The following ANKLE2 variants were observed in gnomAD, a reference collection of about 807,000 sequenced individuals.
ANKLE2 encodes the protein ankyrin repeat and LEM domain-containing protein 2.
A neutral mutation model predicts 84.2 loss-of-function variants in ANKLE2; 55 were observed. The observed-to-expected ratio is 0.65, with a 90% CI of 0.53 to 0.82. The LOEUF is 0.82. ANKLE2 is among the 40% of genes least tolerant of loss of function. The pLI, the probability that ANKLE2 is intolerant of heterozygous loss-of-function variation, is 0.00. For missense variants in ANKLE2, 1,238 were observed against 1,201.9 expected, an observed-to-expected ratio of 1.03 and a Z score of -0.44; for synonymous variants, 551 against 486.1, an observed-to-expected ratio of 1.13 and a Z score of -1.76.
At chr12:132,759,574 T>C (rs2044576158) in intron 1 of ANKLE2, 1 of 152,206 alleles carries the variant, frequency 6.6e-6, no homozygotes, top group East Asian at 1.9e-4. Context: ...GATATACGTA[T>C]ATTATACATC....
At chr12:132,758,657 G>C (rs11147050) in intron 1 of ANKLE2, 45,112 of 151,868 alleles carry the variant, frequency 0.3, 7,754 homozygotes, top group Non-Finnish European at 0.39. Context: ...CCGAGTAGCT[G>C]GGATTACAGG....
At chr12:132,740,688 G>A (rs935049388) in intron 7 of ANKLE2, among the ~76,000 whole-genome samples, 2 of 152,116 alleles carry the variant, frequency 1.3e-5, no homozygotes, top group African/African-American at 4.8e-5. Flanking sequence ...ACTGAAAACA[G>A]AGGAAGATGG....
rs983016578 is a variant in ANKLE2, at chr12:132,730,066, T to C, written c.2096A>G (p.Asn699Ser). 7 of 1,612,666 alleles carry C rather than the reference T, an allele frequency of 4.3e-6. No individual in the cohort carries two copies. Among genetic ancestry groups the C allele is most frequent in the African/African-American group, 2.7e-5 (2 of 74,890 alleles). Residue 699 changes from asparagine to serine, a missense_variant, in exon 11 of 13, where the codon AAT (asparagine) becomes AGT (serine). By Grantham distance (46) the Asn-to-Ser change is conservative. Coordinates refer to ENST00000357997, the MANE Select transcript of ANKLE2 (RefSeq NM_015114.3). ...AEPGGPHSSR[N>S]GLCHPLNHSR... ...GTGATTCAGAGGATGGCAGAGCCCA[T>C]TTCTGCTGCTGTGTGGACCTCCCGG...
At chr12:132,756,515 G>C (rs2044487663) in intron 1 of ANKLE2, 1 of 152,082 alleles carries the variant, frequency 6.6e-6, no homozygotes. Flanking sequence ...CTGGGTGACA[G>C]AATCAGACCC....
Position 132,743,661 on chromosome 12 carries a change from A to T in ANKLE2, c.1231-385T>A, listed in dbSNP as rs541408587. Among the ~76,000 whole-genome samples, 1,893 of 36,060 alleles carry T rather than the reference A, an allele frequency of 0.052. 31 individuals are homozygous for T. Among genetic ancestry groups the T allele is most frequent in the African/African-American group, 0.1 (1,192 of 11,478 alleles). 23.7% of individuals were successfully genotyped at this position (36,060 alleles called of 152,430 possible). On this transcript the variant is annotated intron_variant, in intron 5 of 12. Transcript: ENST00000357997. This position sits in a 1 kb window ranked among gnomAD's most constrained non-coding sequence, Gnocchi z 4.1. ...ACCGAGCCTGGCTTATACTTTTTTA[A>T]AAAAAAAAAGACTCACAAACAAAAA...
Position 132,730,002 on chromosome 12 carries a change from AC to A in ANKLE2, c.2159del (p.Arg720LeufsTer13), listed in dbSNP as rs761791514. The A allele has an allele frequency of 1.2e-6, 2 of 1,613,326 alleles. No individual in the cohort carries two copies. The highest frequency in any genetic ancestry group is 2.2e-5 in the East Asian group (1 of 44,852). ...TLAGKRPKAP[R>X]GEEAHLPPVS... ...CAGGTGGCAGATGGGCTTCCTCCCC[AC>A]GGGGGGCCTTTGGTCTCTTGCCCGC... is the stretch of plus-strand genomic sequence containing the variant. On this transcript the variant is annotated frameshift_variant, in exon 11 of 13. Coordinates refer to ENST00000357997, the MANE Select transcript of ANKLE2 (RefSeq NM_015114.3). LOFTEE classifies it high-confidence loss of function.
At chr12:132,749,793 G>C (rs986408748) in intron 3 of ANKLE2, among the ~76,000 whole-genome samples, 1 of 152,222 alleles carries the variant, frequency 6.6e-6, no homozygotes, top group Admixed American at 6.5e-5. Context: ...CTTCGGGCTG[G>C]ACCGCTCCTA....
At chr12:132,732,664 T>C (rs1267443648) in intron 10 of ANKLE2, among the ~76,000 whole-genome samples, 3 of 95,776 alleles carry the variant, frequency 3.1e-5, no homozygotes, top group Admixed American at 1.1e-4. Context: ...TGGTGTCTGA[T>C]ACGCACCGTG....
rs146798310 is a variant in ANKLE2 at position 132,736,003 on chromosome 12, G to C, written c.1594-491C>G. Reference sequence around the variant, plus strand: ...GTCTCGCTCTGTCGCCCAGGCTGGAGTGCAGTGGTACGATCTCGGCTCACT... The same window carrying C: ...GTCTCGCTCTGTCGCCCAGGCTGGACTGCAGTGGTACGATCTCGGCTCACT... On this transcript the variant is annotated intron_variant, in intron 8 of 12. Coordinates refer to ENST00000357997, the MANE Select transcript of ANKLE2 (RefSeq NM_015114.3). Among the ~76,000 whole-genome samples, 1,134 of 152,340 alleles carry C rather than the reference G, an allele frequency of 7.4e-3. 17 individuals are homozygous for C. Among genetic ancestry groups the C allele is most frequent in the African/African-American group, 0.026 (1,078 of 41,572 alleles).
intron 6 of ANKLE2, chr12:132,741,821 T>C (rs1047937107): frequency 4.2e-6 from 2 of 481,422 alleles, no homozygotes; most frequent in Non-Finnish European, 4.1e-6. Context: ...TCTTGGTTGG[T>C]TGAGTTCCAC....
chr12:132,746,119 C>T (rs1039901260), intron 5 of ANKLE2, among the ~76,000 whole-genome samples: 5 of 151,762 alleles, frequency 3.3e-5, no homozygotes, highest in Admixed American at 2.0e-4. Flanking sequence ...GAGGCCAAGG[C>T]GGGCCGATCA....
intron 1 of ANKLE2, chr12:132,759,254 A>G (rs897859492): frequency 1.3e-5 from 2 of 149,822 alleles, no homozygotes; most frequent in African/African-American, 5.0e-5. Context: ...ATCGCTGCGG[A>G]GTGGCACCCC....
chr12:132,736,435 G>A (rs1251147074), intron 8 of ANKLE2, among the ~76,000 whole-genome samples: 3 of 152,212 alleles, frequency 2.0e-5, no homozygotes, highest in Non-Finnish European at 4.4e-5. Flanking sequence ...TAGAACCTGG[G>A]GCTGAGGCTT....
At chr12:132,732,354 TG>T (rs1490947416) in intron 10 of ANKLE2, 1 of 121,082 alleles carries the variant, frequency 8.3e-6, no homozygotes, top group African/African-American at 3.4e-5. Flanking sequence ...CTCTGCGTCC[TG>T]GTGTCTGATA....
At chr12:132,749,723 C>T (rs1212275781) in intron 3 of ANKLE2, among the ~76,000 whole-genome samples, 2 of 152,198 alleles carry the variant, frequency 1.3e-5, no homozygotes, top group Admixed American at 6.5e-5. Flanking sequence ...CCACACTGAC[C>T]GTGAAGAGCC....
chr12:132,747,427 T>C (rs1054337664), intron 5 of ANKLE2, among the ~76,000 whole-genome samples: 1 of 152,036 alleles, frequency 6.6e-6, no homozygotes, highest in African/African-American at 2.4e-5. Flanking sequence ...TCAGGCAGCA[T>C]GGTTTGCAGG....
intron 3 of ANKLE2, among the ~76,000 whole-genome samples, chr12:132,748,609 C>T (rs552660447): frequency 1.4e-4 from 21 of 151,946 alleles, no homozygotes; most frequent in Admixed American, 1.2e-3. Flanking sequence ...GCAGCCAGCG[C>T]GCCCCCATGA....
At chr12:132,742,682 C>G (rs553065960) in intron 6 of ANKLE2, 2,134 of 150,672 alleles carry the variant, frequency 0.014, 39 homozygotes, top group African/African-American at 0.047. Flanking sequence ...TAGCTGCTTT[C>G]AGCATCATCA....
intron 3 of ANKLE2, chr12:132,749,100 G>A (rs1257690051): frequency 2.0e-5 from 3 of 152,086 alleles, no homozygotes; most frequent in East Asian, 1.9e-4. Flanking sequence ...CAAGACCTTC[G>A]ATGTGCACAG....
Sources: allele counts gnomAD v4.1 joint callset (sites outside exome capture counted in the v4.1 genomes callset), GRCh38; gene constraint gnomAD v4.1.1; non-coding constraint Gnocchi (gnomAD v3.1); transcripts MANE v1.5; gene names NCBI Gene and HGNC (gene_info 2026-07-23, HGNC 2026-07-21).